MCPH1: variants seen among roughly 807,000 people sequenced by gnomAD.
The protein encoded by MCPH1 is microcephalin.
In MCPH1, 104 loss-of-function variants were observed where a neutral mutation model predicts 84.5. The ratio of observed to expected loss-of-function variants is 1.23; its 90% CI spans 1.05 to 1.45. The LOEUF (loss-of-function observed/expected upper bound fraction) is 1.45, where lower values mean the gene tolerates loss of function less well. Ranked by LOEUF, MCPH1 falls within the 40% of genes most tolerant of loss-of-function variation. MCPH1 has a pLI of 0.00. For missense variants in MCPH1, 1,498 were observed against 1,005.7 expected, an observed-to-expected ratio of 1.49 and a Z score of -6.62; for synonymous variants, 514 against 366.8, an observed-to-expected ratio of 1.40 and a Z score of -4.58.
chr8:6,640,713 A>G (rs1264224963), intron 13 of MCPH1, among the ~76,000 whole-genome samples: 2 of 152,094 alleles, frequency 1.3e-5, no homozygotes, highest in East Asian at 1.9e-4. Context: ...CTTTTCCTCC[A>G]TGGCACCTAC....
intron 13 of MCPH1, chr8:6,625,822 A>G: frequency 1.2e-5 from 12 of 985,330 alleles, no homozygotes; most frequent in Non-Finnish European, 8.4e-6. Flanking sequence ...CAGTGCCTTT[A>G]TATTGTTTCT....
chr8:6,538,732 A>G (rs1032507740), intron 12 of MCPH1, among the ~76,000 whole-genome samples: 2 of 152,160 alleles, frequency 1.3e-5, no homozygotes, highest in African/African-American at 2.4e-5. Context: ...TTCATTTTAA[A>G]TCTCCACAGA....
intron 12 of MCPH1, 50 bp downstream of exon 12, chr8:6,499,979 G>T: frequency 2.0e-6 from 3 of 1,496,450 alleles, no homozygotes; most frequent in Non-Finnish European, 1.9e-6. Flanking sequence ...CTGTTCTCAA[G>T]AAATTATTAT....
chr8:6,592,054 TACC>T (rs1329070883), intron 12 of MCPH1, among the ~76,000 whole-genome samples: 1 of 152,206 alleles, frequency 6.6e-6, no homozygotes, highest in Admixed American at 6.5e-5. Flanking sequence ...TTTTTCCTTA[TACC>T]TATATTCATG....
intron 12 of MCPH1, among the ~76,000 whole-genome samples, chr8:6,552,035 C>T (rs374194801): frequency 2.0e-4 from 31 of 152,226 alleles, no homozygotes; most frequent in African/African-American, 5.5e-4. Flanking sequence ...TCTGTTGATT[C>T]CAGAAATTAT....
chr8:6,466,388 A>G (rs1806950557), intron 9 of MCPH1, among the ~76,000 whole-genome samples: 1 of 149,740 alleles, frequency 6.7e-6, no homozygotes, highest in South Asian at 2.1e-4. Context: ...GCTCACTGCA[A>G]CCTCCACCTC....
chr8:6,561,092 A>G (rs529494062), intron 12 of MCPH1, among the ~76,000 whole-genome samples: 40 of 152,348 alleles, frequency 2.6e-4, no homozygotes, highest in African/African-American at 9.4e-4. Context: ...TATTTAGGAT[A>G]TAGTTTGCCT....
chr8:6,475,863 G>C (rs1437375105), intron 9 of MCPH1, among the ~76,000 whole-genome samples: 2 of 152,156 alleles, frequency 1.3e-5, no homozygotes, highest in African/African-American at 2.4e-5. Flanking sequence ...GTGTGGGGTT[G>C]GCAGGGCAGC....
At chr8:6,419,581 T>G (rs1238549890) in intron 3 of MCPH1, among the ~76,000 whole-genome samples, 1 of 151,598 alleles carries the variant, frequency 6.6e-6, no homozygotes. Flanking sequence ...TTTTTGTATT[T>G]TTAGTAGAGA....
At chr8:6,429,916 A>C (rs1207724504) in intron 3 of MCPH1, among the ~76,000 whole-genome samples, 1 of 152,194 alleles carries the variant, frequency 6.6e-6, no homozygotes, top group Non-Finnish European at 1.5e-5. Flanking sequence ...TCATTAGCTT[A>C]GAAAGTACAA....
chr8:6,445,637 C>G, intron 8 of MCPH1, 90 bp downstream of exon 8: 1 of 1,491,708 alleles, frequency 6.7e-7, no homozygotes, highest in Non-Finnish European at 8.9e-7. Context: ...TTTTTCATAA[C>G]TTATTTCCCC....
intron 12 of MCPH1, among the ~76,000 whole-genome samples, chr8:6,540,461 A>G (rs1224744524): frequency 6.6e-6 from 1 of 152,178 alleles, no homozygotes; most frequent in Non-Finnish European, 1.5e-5. Context: ...AGTGTCTTTT[A>G]GAGGTCTTGT....
chr8:6,406,849 C>T, intron 1 of MCPH1, 160 bp downstream of exon 1: 2 of 39,734 alleles, frequency 5.0e-5, no homozygotes, highest in East Asian at 5.8e-4. Flanking sequence ...TCCCCCGCTG[C>T]CTGTCCCACC....
In MCPH1 at chr8:6,436,049, G is replaced by A. The variant is rs761639209; in HGVS notation, c.323G>A (p.Arg108His). The A allele has an allele frequency of 3.6e-5, 58 of 1,613,028 alleles. No homozygotes were observed. Among genetic ancestry groups the A allele is most frequent in the Non-Finnish European group, 4.7e-5 (56 of 1,179,530 alleles). Residue 108 changes from arginine (R) to histidine (H), a missense_variant and splice_region_variant, in exon 5 of 14, where the codon CGT becomes CAT. Physicochemically the swap from Arg to His is conservative, Grantham distance 29. Coordinates refer to ENST00000344683, the MANE Select transcript of MCPH1 (RefSeq NM_024596.5). ...EHLSSLIKKK[R>H]KCMQPKDFNF... is the part of the protein sequence containing the mutation. ...AATTTTTGTGTTCTTTTTGCACAGCGTAAATGTATGCAGCCCAAAGATTTT... is the reference window on the plus strand; with the variant it reads ...AATTTTTGTGTTCTTTTTGCACAGCATAAATGTATGCAGCCCAAAGATTTT...
At chr8:6,625,642 GT>G (rs1190752151) in intron 13 of MCPH1, 1 of 985,280 alleles carries the variant, frequency 1.0e-6, no homozygotes, top group African/African-American at 1.7e-5. Flanking sequence ...GCGTCTTAGA[GT>G]AATTTGAGCC....
chr8:6,447,516 C>A, intron 8 of MCPH1: 2 of 701,466 alleles, frequency 2.9e-6, no homozygotes, highest in Non-Finnish European at 3.5e-6. Context: ...AGAACGGGAA[C>A]TGAGCGAGAA....
At chr8:6,474,486 C>T (rs1808175950) in intron 9 of MCPH1, among the ~76,000 whole-genome samples, 1 of 152,112 alleles carries the variant, frequency 6.6e-6, no homozygotes, top group Non-Finnish European at 1.5e-5. Context: ...TGCACCACTG[C>T]ACTCCAGCTA....
intron 12 of MCPH1, among the ~76,000 whole-genome samples, chr8:6,557,009 C>G (rs1456217459): frequency 6.6e-6 from 1 of 152,012 alleles, no homozygotes; most frequent in Non-Finnish European, 1.5e-5. Flanking sequence ...GGCTCCTGCC[C>G]CAAACTGGAA....
At chr8:6,559,591 G>A (rs1321399769) in intron 12 of MCPH1, among the ~76,000 whole-genome samples, 3 of 152,086 alleles carry the variant, frequency 2.0e-5, no homozygotes, top group Admixed American at 6.5e-5. Flanking sequence ...CTGTTTTAAC[G>A]TGTTCATAGA....
Sources: gnomAD v4.1 joint callset for allele counts (sites outside exome capture counted in the v4.1 genomes callset) on GRCh38, gnomAD v4.1.1 for gene constraint, MANE v1.5 for transcripts, NCBI Gene and HGNC (gene_info 2026-07-23, HGNC 2026-07-21) for gene names.